The following FHL1 variants were observed in gnomAD, a reference collection of about 807,000 sequenced individuals.
The protein encoded by FHL1 is four and a half LIM domains protein 1.
FHL1 carries 1 observed loss-of-function variant against 20.3 expected under a neutral mutation model. The observed-to-expected ratio is 0.05, with a 90% CI of 0.02 to 0.23. FHL1 has a LOEUF of 0.23. Ranked by LOEUF, FHL1 falls within the 10% of genes least tolerant of loss-of-function variation. The probability of loss-of-function intolerance (pLI) is 1.00; values close to 1 mark genes in which losing one functional copy is unlikely to be tolerated. For synonymous variants in FHL1, 82 were observed against 88.9 expected (o/e 0.92, Z 0.44); for missense variants, 177 against 234.0 (o/e 0.76, Z 1.59).
At chrX:136,156,391 C>T (rs1485110839) in intron 1 of FHL1, among the ~76,000 whole-genome samples, 1 of 108,437 alleles carries the variant, frequency 9.2e-6, no homozygotes, top group Non-Finnish European at 1.9e-5. Context: ...AAGCGATTCT[C>T]CTGCCTCAGC....
intron 1 of FHL1, among the ~76,000 whole-genome samples, chrX:136,200,156 AAGTC>A (rs1358166443): frequency 8.9e-6 from 1 of 111,963 alleles, no homozygotes; most frequent in Non-Finnish European, 1.9e-5. Context: ...CAGGCATAGA[AAGTC>A]AGGCTACCCT....
chrX:136,204,995 G>A (rs945135829), intron 1 of FHL1: 1 of 112,208 alleles, frequency 8.9e-6, no homozygotes, highest in Non-Finnish European at 1.9e-5. Context: ...TCTAAATTAC[G>A]CTGGAAGTTT....
rs1441809540 is a variant in FHL1, at chrX:136,210,407, C to G, written c.*382C>G. The G allele has an allele frequency of 2.5e-6, 1 of 393,945 alleles. No homozygotes were observed. Among genetic ancestry groups the G allele is most frequent in the Admixed American group, 2.9e-5 (1 of 34,157 alleles). 32.5% of individuals were successfully genotyped at this position (393,945 alleles called of 1,213,427 possible). Reference sequence around the variant, plus strand: ...CTCTCATGCCTCAGCTGGGACCCACCGTGTAGACACACGACATGCAAGAGT... The same window carrying G: ...CTCTCATGCCTCAGCTGGGACCCACGGTGTAGACACACGACATGCAAGAGT... On this transcript the variant is annotated 3_prime_UTR_variant, in exon 6 of 6. Coordinates refer to ENST00000370683, the MANE Select transcript of FHL1 (RefSeq NM_001159699.2).
chrX:136,149,110 G>A (rs1446938978), intron 1 of FHL1, among the ~76,000 whole-genome samples: 1 of 111,937 alleles, frequency 8.9e-6, no homozygotes, highest in Non-Finnish European at 1.9e-5. Context: ...AATTTTTTCC[G>A]TCATCTTAAG....
upstream of FHL1, among the ~76,000 whole-genome samples, chrX:136,166,112 C>A: frequency 8.9e-6 from 1 of 112,132 alleles, no homozygotes; most frequent in Middle Eastern, 4.6e-3. Context: ...GACACAGTTA[C>A]ACGCTGCAGA....
At chrX:136,172,297 A>G (rs987570984) in intron 2 of FHL1, among the ~76,000 whole-genome samples, 2 of 112,491 alleles carry the variant, frequency 1.8e-5, no homozygotes, top group African/African-American at 6.5e-5. Context: ...CAGCCCTACT[A>G]TGGGCCAGGG....
intron 2 of FHL1, among the ~76,000 whole-genome samples, chrX:136,175,243 G>A (rs1316154600): frequency 8.9e-6 from 1 of 112,418 alleles, no homozygotes; most frequent in African/African-American, 3.2e-5. Flanking sequence ...TCACTGGTAT[G>A]CAAAGATAAG....
At chrX:136,208,385 C>G (rs1445183427) in intron 4 of FHL1, 70 bp from the exon 5 acceptor site, 19 of 1,116,359 alleles carry the variant, frequency 1.7e-5, no homozygotes, top group Non-Finnish European at 2.2e-5. Flanking sequence ...CAGCACAGTG[C>G]CTGGCACGCA....
intron 1 of FHL1, among the ~76,000 whole-genome samples, chrX:136,157,422 T>C (rs1603243521): frequency 8.9e-6 from 1 of 112,092 alleles, no homozygotes; most frequent in African/African-American, 3.2e-5. Flanking sequence ...TTGCATCTTA[T>C]AGCAGATGGC....
chrX:136,177,565 A>G (rs888467330), intron 2 of FHL1, among the ~76,000 whole-genome samples: 1 of 112,195 alleles, frequency 8.9e-6, no homozygotes, highest in African/African-American at 3.2e-5. Flanking sequence ...AGGTCTTTTC[A>G]GCTTCTCTAA....
rs10527786 is a variant in FHL1, at chrX:136,177,013, TACACACACACACAC to T, written c.-27+7053_-27+7066del. Among the ~76,000 whole-genome samples, 704 of 88,664 alleles carry T rather than the reference TACACACACACACAC, an allele frequency of 7.9e-3. 8 individuals carry two copies. Among genetic ancestry groups the T allele is most frequent in the African/African-American group, 0.024 (616 of 25,380 alleles). 77.0% of individuals were successfully genotyped at this position (88,664 alleles called of 115,157 possible). A position where few individuals can be genotyped will look rare whatever the true frequency, so the allele number is the denominator to read the frequency against. On this transcript the variant is annotated intron_variant, in intron 2 of 6. Coordinates refer to the FHL1 transcript ENST00000394153. Reference sequence around the variant, plus strand: ...AGAAAGCTAAGAAGTCATGTAGAAATACACACACACACACACACACACACACACACACATAATGT... The same window carrying T: ...AGAAAGCTAAGAAGTCATGTAGAAATACACACACACACACACACATAATGT...
intron 1 of FHL1, chrX:136,206,152 G>A: frequency 2.3e-6 from 1 of 439,996 alleles, no homozygotes; most frequent in Admixed American, 3.8e-5. Context: ...ATCTGAGCAG[G>A]GGCTTCTACC....
chrX:136,154,940 C>T (rs755628992), intron 1 of FHL1, among the ~76,000 whole-genome samples: 7 of 112,311 alleles, frequency 6.2e-5, no homozygotes, highest in South Asian at 7.5e-4. Flanking sequence ...CTCCTGACCT[C>T]AGGTGATCCA....
chrX:136,209,840 TTTC>T (rs774637390), intron 5 of FHL1, 28 bp from the exon 6 acceptor site: 234 of 1,192,040 alleles, frequency 2.0e-4, no homozygotes, highest in Non-Finnish European at 2.6e-4. Flanking sequence ...TTTCTCTTGT[TTTC>T]TTTTCTTTTC....
chrX:136,207,672 A>G, intron 3 of FHL1, 120 bp from the exon 4 acceptor site: 1 of 756,094 alleles, frequency 1.3e-6, no homozygotes, highest in Non-Finnish European at 2.0e-6. Context: ...TGGAGGTGTG[A>G]GGCCAGTAAC....
chrX:136,154,710 C>CT (rs1323465424), intron 1 of FHL1, among the ~76,000 whole-genome samples: 163 of 103,021 alleles, frequency 1.6e-3, no homozygotes, highest in African/African-American at 2.0e-3. Flanking sequence ...AATCTGGCAT[C>CT]TTTTTTTTTT....
At chrX:136,164,717 ACAC>A (rs2072666142), upstream of FHL1, among the ~76,000 whole-genome samples, 1 of 111,429 alleles carries the variant, frequency 9.0e-6, no homozygotes, top group African/African-American at 3.3e-5. Context: ...GGAAGGAAAG[ACAC>A]CTTTTATTTA....
intron 2 of FHL1, among the ~76,000 whole-genome samples, chrX:136,181,740 A>G (rs765442321): frequency 9.0e-6 from 1 of 111,644 alleles, no homozygotes; most frequent in South Asian, 3.8e-4. Context: ...TTTTCCCCTA[A>G]CCTTTATTAA....
chrX:136,194,657 T>C (rs1268670993), upstream of FHL1, among the ~76,000 whole-genome samples: 2 of 111,992 alleles, frequency 1.8e-5, no homozygotes, highest in Non-Finnish European at 3.8e-5. Flanking sequence ...CTTAAAGATA[T>C]TATTAAACAT....
Sources: allele counts gnomAD v4.1 joint callset (sites outside exome capture counted in the v4.1 genomes callset), GRCh38; gene constraint gnomAD v4.1.1; transcripts MANE v1.5; gene names NCBI Gene and HGNC (gene_info 2026-07-23, HGNC 2026-07-21).